Variants in HHLA2 observed in about 807,000 individuals in gnomAD.
The protein encoded by HHLA2 is HERV-H LTR-associating protein 2.
HHLA2 carries 48 observed loss-of-function variants against 45.9 expected under a neutral mutation model. The ratio of observed to expected loss-of-function variants is 1.05; its 90% CI spans 0.83 to 1.33. The LOEUF (loss-of-function observed/expected upper bound fraction) is 1.33, where lower values mean the gene tolerates loss of function less well. Ranked by LOEUF, HHLA2 falls within the 40% of genes most tolerant of loss-of-function variation. The pLI is 0.00. For missense variants in HHLA2, 462 were observed against 494.3 expected (o/e 0.93, Z 0.62); for synonymous variants, 161 against 173.9 (o/e 0.93, Z 0.59).
intron 8 of HHLA2, among the ~76,000 whole-genome samples, chr3:108,368,084 C>T (rs1443267272): frequency 6.6e-6 from 1 of 152,104 alleles, no homozygotes; most frequent in Non-Finnish European, 1.5e-5. Flanking sequence ...ATTTTCAACC[C>T]AGAATTTCAT....
intron 3 of HHLA2, among the ~76,000 whole-genome samples, chr3:108,342,912 A>G (rs577209967): frequency 7.9e-5 from 12 of 152,208 alleles, no homozygotes; most frequent in Middle Eastern, 3.4e-3. Flanking sequence ...TTCCTTCCAC[A>G]GCACCTGGTG....
At chr3:108,349,489 G>A (rs537218029) in intron 3 of HHLA2, among the ~76,000 whole-genome samples, 1 of 152,314 alleles carries the variant, frequency 6.6e-6, no homozygotes, top group South Asian at 2.1e-4. Flanking sequence ...TTCTGAAATT[G>A]AGGCAGTAAT....
At chr3:108,374,400 A>G (rs2082236100) in intron 8 of HHLA2, among the ~76,000 whole-genome samples, 1 of 151,050 alleles carries the variant, frequency 6.6e-6, no homozygotes, top group Admixed American at 6.6e-5. Flanking sequence ...AGGCAATACC[A>G]TTCAGGACAT....
chr3:108,324,217 G>A (rs952541524), intron 2 of HHLA2, among the ~76,000 whole-genome samples: 2 of 152,094 alleles, frequency 1.3e-5, no homozygotes, highest in African/African-American at 4.8e-5. Context: ...CCCTCTCAGA[G>A]GCAGTGGACT....
intron 8 of HHLA2, among the ~76,000 whole-genome samples, chr3:108,374,900 A>G (rs1229095956): frequency 6.7e-6 from 1 of 148,572 alleles, no homozygotes; most frequent in African/African-American, 2.5e-5. Context: ...AACTAGTTCA[A>G]CCATTGTGGA....
Position 108,376,945 on chromosome 3 carries a change from T to G in HHLA2, c.1225-313T>G, listed in dbSNP as rs142256768. ...TGCAAATTATAGTTTGATTGTATAC[T>G]TCCTTTTTACTGCATTCCTTTTAGT... On this transcript the variant is annotated intron_variant, in intron 10 of 10. Coordinates refer to ENST00000619531, the Ensembl canonical transcript of HHLA2. The G allele has an allele frequency of 3.1e-4, 115 of 366,348 alleles. No homozygotes were observed. The East Asian group carries it at 4.8e-3, about 15-fold the overall frequency. 22.7% of individuals were successfully genotyped at this position (366,348 alleles called of 1,614,324 possible). A position where few individuals can be genotyped will look rare whatever the true frequency, so the allele number is the denominator to read the frequency against.
chr3:108,304,253 A>G (rs1444313812), intron 1 of HHLA2, among the ~76,000 whole-genome samples: 4 of 152,178 alleles, frequency 2.6e-5, no homozygotes, highest in Non-Finnish European at 5.9e-5. Context: ...TACTTTCCTC[A>G]GGCTCCTTTA....
At chr3:108,370,638 C>G (rs982962779) in intron 8 of HHLA2, among the ~76,000 whole-genome samples, 2 of 151,858 alleles carry the variant, frequency 1.3e-5, no homozygotes, top group Non-Finnish European at 2.9e-5. Context: ...TTAAAGGACC[C>G]GATGGAGCTG....
At chr3:108,322,581 G>C (rs560080127) in intron 2 of HHLA2, among the ~76,000 whole-genome samples, 1 of 152,148 alleles carries the variant, frequency 6.6e-6, no homozygotes, top group African/African-American at 2.4e-5. Context: ...CAACCTATGT[G>C]GGGGAGTGGA....
chr3:108,352,463 G>C (rs9831270), intron 4 of HHLA2, among the ~76,000 whole-genome samples: 102,845 of 152,054 alleles, frequency 0.68, 35,670 homozygotes, highest in African/African-American at 0.77. Flanking sequence ...ACTTGGGCAC[G>C]CAGTTCTTCC....
intron 8 of HHLA2, 139 bp downstream of exon 7, chr3:108,362,585 A>G (rs1233361152): frequency 1.6e-6 from 1 of 628,568 alleles, no homozygotes; most frequent in African/African-American, 1.8e-5. Flanking sequence ...AATTCACCCA[A>G]AATCTTTTAA....
chr3:108,302,574 T>G (rs2080867518), intron 1 of HHLA2: 1 of 152,202 alleles, frequency 6.6e-6, no homozygotes, highest in Non-Finnish European at 1.5e-5. Context: ...CACTTCATTT[T>G]CCCCAATTCA....
chr3:108,376,374 A>C (rs1219381927), intron 9 of HHLA2, 119 bp from the exon 9 acceptor site: 9 of 700,562 alleles, frequency 1.3e-5, no homozygotes, highest in Non-Finnish European at 1.6e-5. Flanking sequence ...TTTGTTAAAG[A>C]TATGCAGGGA....
chr3:108,334,017 C>T (rs566954589), intron 3 of HHLA2, among the ~76,000 whole-genome samples: 1 of 152,164 alleles, frequency 6.6e-6, no homozygotes, highest in South Asian at 2.1e-4. Flanking sequence ...CGAAGGCAGG[C>T]CACAGAATCC....
At chr3:108,357,458 G>A (rs142368801) in intron 6 of HHLA2, among the ~76,000 whole-genome samples, 1 of 152,248 alleles carries the variant, frequency 6.6e-6, no homozygotes, top group Non-Finnish European at 1.5e-5. Context: ...AGTAGGTAGG[G>A]TACCAAAAGG....
intron 2 of HHLA2, among the ~76,000 whole-genome samples, chr3:108,317,313 G>A (rs1190610818): frequency 1.3e-5 from 2 of 152,160 alleles, no homozygotes; most frequent in African/African-American, 4.8e-5. Flanking sequence ...TTAAAGTATA[G>A]ACACATTCTT....
intron 3 of HHLA2, among the ~76,000 whole-genome samples, chr3:108,347,683 T>C (rs1309182914): frequency 2.6e-5 from 4 of 152,174 alleles, no homozygotes; most frequent in South Asian, 2.1e-4. Flanking sequence ...TGCGTATTTG[T>C]AGATATCCAG....
chr3:108,346,764 A>G (rs2081668079), intron 3 of HHLA2, among the ~76,000 whole-genome samples: 1 of 152,210 alleles, frequency 6.6e-6, no homozygotes, highest in Non-Finnish European at 1.5e-5. Context: ...TGTGCAGGCT[A>G]GAGAATCTGT....
chr3:108,372,620 A>G (rs1188212702), intron 8 of HHLA2, among the ~76,000 whole-genome samples: 6 of 152,144 alleles, frequency 3.9e-5, no homozygotes, highest in African/African-American at 1.4e-4. Context: ...AATCAAATAG[A>G]TGCAATAAAA....
Sources: allele counts gnomAD v4.1 joint callset (sites outside exome capture counted in the v4.1 genomes callset), GRCh38; gene constraint gnomAD v4.1.1; transcripts MANE v1.5; gene names NCBI Gene and HGNC (gene_info 2026-07-23, HGNC 2026-07-21).